EHMT1: variants seen among roughly 807,000 people sequenced by gnomAD.
The protein encoded by EHMT1 is histone-lysine N-methyltransferase EHMT1.
Under a neutral mutation model 147.2 loss-of-function variants are expected in EHMT1, and 15 were observed. The ratio of observed to expected loss-of-function variants is 0.10; its 90% confidence interval spans 0.07 to 0.16. The LOEUF is 0.16. EHMT1 is among the 10% of genes least tolerant of loss of function. EHMT1 has a pLI of 1.00. For synonymous variants in EHMT1, 795 were observed against 709.6 expected, an observed-to-expected ratio of 1.12 and a Z score of -1.91; for missense variants, 1,587 against 1,772.4, an observed-to-expected ratio of 0.90 and a Z score of 1.88.
rs530343783 is a variant in EHMT1 at position 137,748,540 on chromosome 9, T to A, written c.1171-3791T>A. Among the ~76,000 whole-genome samples, 5 of 152,350 alleles carry A rather than the reference T, an allele frequency of 3.3e-5. No individual in the cohort carries two copies. In the East Asian group the frequency reaches 9.6e-4, roughly 29 times the overall value. On this transcript the variant is annotated intron_variant, in intron 6 of 26. Transcript: ENST00000460843. ...ATGCCTTGTGCTGGCCTCCATGGAC[T>A]CTGCCATGCGGCTCCCCACGGTGGC...
intron 17 of EHMT1, among the ~76,000 whole-genome samples, chr9:137,799,653 C>T (rs752418244): frequency 3.9e-5 from 6 of 152,222 alleles, no homozygotes; most frequent in Admixed American, 6.5e-5. Flanking sequence ...GCCATCCTCA[C>T]GCTCGCTCTC....
chr9:137,808,676 T>TGGGGGGGGGGGGGGGG (rs147011444), intron 18 of EHMT1, among the ~76,000 whole-genome samples: 2 of 58,434 alleles, frequency 3.4e-5, no homozygotes, highest in African/African-American at 7.2e-5. Context: ...GGGCGGGGGG[T>TGGGGGGGGGGGGGGGG]GGGGGGGGCG....
chr9:137,795,435 A>ACACACACT (rs1554887527), intron 16 of EHMT1, among the ~76,000 whole-genome samples: 3 of 132,672 alleles, frequency 2.3e-5, no homozygotes, highest in Admixed American at 7.4e-5. Context: ...ACACTCTCAC[A>ACACACACT]CTCACATACA....
At chr9:137,830,684 T>C (rs1956130878) in intron 25 of EHMT1, among the ~76,000 whole-genome samples, 1 of 152,234 alleles carries the variant, frequency 6.6e-6, no homozygotes, top group South Asian at 2.1e-4. Context: ...GGCCCAGTCT[T>C]GTGCTTCGCG....
chr9:137,643,391 A>C (rs762937084), intron 1 of EHMT1, among the ~76,000 whole-genome samples: 5 of 128,548 alleles, frequency 3.9e-5, no homozygotes, highest in Non-Finnish European at 7.8e-5. Flanking sequence ...CCCAGGCTGG[A>C]GTGCAGTGGT....
chr9:137,650,091 GTTATT>G (rs1289217739), intron 1 of EHMT1, among the ~76,000 whole-genome samples: 1 of 151,992 alleles, frequency 6.6e-6, no homozygotes, highest in Non-Finnish European at 1.5e-5. Flanking sequence ...GCCAACACTT[GTTATT>G]TTATTTATTT....
chr9:137,718,906 C>G (rs1396573997), intron 3 of EHMT1, among the ~76,000 whole-genome samples: 1 of 151,930 alleles, frequency 6.6e-6, no homozygotes, highest in African/African-American at 2.4e-5. Context: ...CAGGCGCCTA[C>G]CACCACACCT....
At chr9:137,781,400 A>T (rs1474438135) in intron 14 of EHMT1, among the ~76,000 whole-genome samples, 1 of 148,176 alleles carries the variant, frequency 6.7e-6, no homozygotes, top group Admixed American at 6.7e-5. Flanking sequence ...TGACGCTGGG[A>T]TGTGTGGTGA....
chr9:137,788,147 C>T (rs1952148578), intron 15 of EHMT1: 1 of 1,000,850 alleles, frequency 1.0e-6, no homozygotes, highest in Non-Finnish European at 1.4e-6. Flanking sequence ...GTGGGGTGGT[C>T]ACTGCCTTCT....
intron 4 of EHMT1, among the ~76,000 whole-genome samples, chr9:137,730,205 G>A (rs964917896): frequency 6.6e-6 from 1 of 152,194 alleles, no homozygotes; most frequent in South Asian, 2.1e-4. Context: ...TCAAGTTACT[G>A]CTCACCAGAC....
intron 25 of EHMT1, chr9:137,832,856 G>A (rs1414192297): frequency 6.6e-6 from 1 of 152,284 alleles, no homozygotes; most frequent in Non-Finnish European, 1.5e-5. Context: ...GCCGTTGCTA[G>A]TTCCGGAATT....
At chr9:137,744,819 C>T (rs1262341176) in intron 6 of EHMT1, among the ~76,000 whole-genome samples, 1 of 152,278 alleles carries the variant, frequency 6.6e-6, no homozygotes, top group Non-Finnish European at 1.5e-5. Flanking sequence ...AGCACCAGCA[C>T]GGGCCAAGGC....
At chr9:137,734,226 A>AG (rs530356212) in intron 4 of EHMT1, among the ~76,000 whole-genome samples, 191 of 152,356 alleles carry the variant, frequency 1.3e-3, no homozygotes, top group African/African-American at 4.1e-3. Flanking sequence ...CAGATCCTAA[A>AG]GGAAGGTATG....
At chr9:137,667,631 A>G (rs1339187457) in intron 1 of EHMT1, 1 of 152,202 alleles carries the variant, frequency 6.6e-6, no homozygotes. Flanking sequence ...GGATTTTAGC[A>G]TTAGAGATTT....
chr9:137,737,791 T>C (rs1947670688), intron 4 of EHMT1, among the ~76,000 whole-genome samples: 1 of 152,210 alleles, frequency 6.6e-6, no homozygotes, highest in African/African-American at 2.4e-5. Context: ...AAAAGGCACC[T>C]GTGGAGTAGG....
chr9:137,652,663 G>A (rs1937974683), intron 1 of EHMT1, among the ~76,000 whole-genome samples: 1 of 151,984 alleles, frequency 6.6e-6, no homozygotes, highest in Admixed American at 6.6e-5. Context: ...TGGGATTACA[G>A]GCGTGAGCCA....
At chr9:137,758,437 G>A (rs755815642) in intron 9 of EHMT1, among the ~76,000 whole-genome samples, 9 of 152,340 alleles carry the variant, frequency 5.9e-5, no homozygotes, top group Middle Eastern at 3.4e-3. Context: ...TTCTGTAATG[G>A]AATATTCGTA....
At chr9:137,753,489 C>CA (rs1949139114) in intron 7 of EHMT1, among the ~76,000 whole-genome samples, 1 of 152,174 alleles carries the variant, frequency 6.6e-6, no homozygotes, top group Admixed American at 6.5e-5. Context: ...ACGTGGGACC[C>CA]AACTCAGGAA....
At chr9:137,803,276 G>T in intron 18 of EHMT1, 1 of 1,021,222 alleles carries the variant, frequency 9.8e-7, no homozygotes, top group Non-Finnish European at 1.2e-6. Flanking sequence ...ACACACTTGG[G>T]TGAATTTTCA....
Sources: gnomAD v4.1 joint callset for allele counts (sites outside exome capture counted in the v4.1 genomes callset) on GRCh38, gnomAD v4.1.1 for gene constraint, MANE v1.5 for transcripts, NCBI Gene and HGNC (gene_info 2026-07-23, HGNC 2026-07-21) for gene names.